Variants in TMEM132C observed in about 807,000 individuals in gnomAD.
The protein encoded by TMEM132C is transmembrane protein 132C.
In TMEM132C, 29 loss-of-function variants were observed where a neutral mutation model predicts 61.4. The ratio of observed to expected loss-of-function variants is 0.47; its 90% CI spans 0.35 to 0.64. The LOEUF is 0.64. TMEM132C is among the 30% of genes least tolerant of loss of function. The pLI, the probability that TMEM132C is intolerant of heterozygous loss-of-function variation, is 0.00. For synonymous variants in TMEM132C, 656 were observed against 633.1 expected, an observed-to-expected ratio of 1.04 and a Z score of -0.54; for missense variants, 1,408 against 1,476.9, an observed-to-expected ratio of 0.95 and a Z score of 0.76.
At position 128,267,409 on chromosome 12, in the gene TMEM132C, T is replaced by C. The variant is rs2135883840; in HGVS notation, c.7T>C (p.Ser3Pro). The C allele has an allele frequency of 9.9e-6, 12 of 1,211,832 alleles. No homozygotes were observed. The highest frequency in any genetic ancestry group is 1.2e-5 in the Non-Finnish European group (12 of 976,874). The allele number at this position is 1,211,832 out of a possible 1,614,324, so 75.1% of individuals were successfully genotyped here. A position where few individuals can be genotyped will look rare whatever the true frequency, so the allele number is the denominator to read the frequency against. The change falls in exon 1 of 9, where the codon TCC (serine) becomes CCC (proline). Residue 3 changes from serine (S) to proline (P), a missense_variant. Ser to Pro is a moderately conservative substitution (Grantham distance 74). Transcript: ENST00000435159. The part of the protein sequence containing the change: MR[S>P]EGAAPGPAAP... ...TGAGCGGCCGGGACGCAGGATGCGCTCCGAGGGTGCGGCCCCCGGGCCGGC... is the reference window on the plus strand; with the variant it reads ...TGAGCGGCCGGGACGCAGGATGCGCCCCGAGGGTGCGGCCCCCGGGCCGGC...
intron 2 of TMEM132C, among the ~76,000 whole-genome samples, chr12:128,432,558 A>G (rs2136039765): frequency 6.6e-6 from 1 of 152,352 alleles, no homozygotes; most frequent in Non-Finnish European, 1.5e-5. Context: ...AGAAATAGCA[A>G]AAGAATTAGA....
intron 1 of TMEM132C, among the ~76,000 whole-genome samples, chr12:128,346,384 T>C (rs1200724667): frequency 6.6e-6 from 1 of 152,176 alleles, no homozygotes; most frequent in Non-Finnish European, 1.5e-5. Flanking sequence ...CTTGGCTATT[T>C]GGGTTCCTTT....
intron 2 of TMEM132C, among the ~76,000 whole-genome samples, chr12:128,520,352 C>T (rs572640970): frequency 6.6e-6 from 1 of 152,150 alleles, no homozygotes; most frequent in Non-Finnish European, 1.5e-5. Context: ...CAGGACTACC[C>T]AGGACAAAGA....
chr12:128,420,731 A>G (rs1868957769), intron 2 of TMEM132C, among the ~76,000 whole-genome samples: 1 of 152,220 alleles, frequency 6.6e-6, no homozygotes, highest in Non-Finnish European at 1.5e-5. Flanking sequence ...TTGTGGGCAC[A>G]CTTGTGTGAA....
chr12:128,658,886 A>C (rs1282000398), intron 4 of TMEM132C, among the ~76,000 whole-genome samples: 1 of 152,216 alleles, frequency 6.6e-6, no homozygotes, highest in African/African-American at 2.4e-5. Flanking sequence ...CATCATGCTG[A>C]TGTTGAAGTC....
At chr12:128,301,132 G>A (rs1871583662) in intron 1 of TMEM132C, among the ~76,000 whole-genome samples, 1 of 152,176 alleles carries the variant, frequency 6.6e-6, no homozygotes, top group African/African-American at 2.4e-5. Flanking sequence ...AATGAATGGA[G>A]GAGAGGTGTG....
At chr12:128,395,751 ACAC>A (rs1874928213) in intron 1 of TMEM132C, among the ~76,000 whole-genome samples, 1 of 152,206 alleles carries the variant, frequency 6.6e-6, no homozygotes, top group Admixed American at 6.5e-5. Context: ...CATCACTTTC[ACAC>A]CGTCATAAAG....
intron 4 of TMEM132C, among the ~76,000 whole-genome samples, chr12:128,640,129 C>T (rs1262632878): frequency 6.6e-6 from 1 of 152,168 alleles, no homozygotes; most frequent in African/African-American, 2.4e-5. Flanking sequence ...CTACAAAGTC[C>T]ATTTCACCTC....
At chr12:128,628,071 G>A (rs138583228) in intron 4 of TMEM132C, among the ~76,000 whole-genome samples, 15 of 152,146 alleles carry the variant, frequency 9.9e-5, no homozygotes, top group East Asian at 5.8e-4. Flanking sequence ...GCCATCCCTC[G>A]AAATGCATCT....
At chr12:128,515,355 G>C (rs1161019057) in intron 2 of TMEM132C, among the ~76,000 whole-genome samples, 1 of 152,186 alleles carries the variant, frequency 6.6e-6, no homozygotes. Flanking sequence ...CTTTCTGTGA[G>C]CATGAGTACT....
At chr12:128,339,166 G>C (rs1028159075) in intron 1 of TMEM132C, among the ~76,000 whole-genome samples, 1 of 152,042 alleles carries the variant, frequency 6.6e-6, no homozygotes, top group African/African-American at 2.4e-5. Flanking sequence ...AAGCACTGGA[G>C]GTCAGCCCCC....
At chr12:128,459,128 A>G (rs972908934) in intron 2 of TMEM132C, among the ~76,000 whole-genome samples, 3 of 152,214 alleles carry the variant, frequency 2.0e-5, no homozygotes, top group African/African-American at 4.8e-5. Context: ...GGAAGACTGG[A>G]CCAGCAGCCC....
At chr12:128,394,907 C>CAAAAA (rs59086773) in intron 1 of TMEM132C, among the ~76,000 whole-genome samples, 5 of 132,310 alleles carry the variant, frequency 3.8e-5, no homozygotes, top group African/African-American at 5.4e-5. Context: ...CCTTATTTTC[C>CAAAAA]AAAAAAAAAA....
intron 4 of TMEM132C, among the ~76,000 whole-genome samples, chr12:128,631,983 A>G (rs970004000): frequency 2.0e-5 from 3 of 152,082 alleles, no homozygotes; most frequent in African/African-American, 7.2e-5. Flanking sequence ...AGCCAAAATA[A>G]TTGGAGTGGG....
chr12:128,692,689 C>T (rs914915069), intron 5 of TMEM132C, among the ~76,000 whole-genome samples: 3 of 152,152 alleles, frequency 2.0e-5, no homozygotes, highest in Non-Finnish European at 4.4e-5. Context: ...TTCAATGGCC[C>T]CTCATTGTTG....
chr12:128,666,953 C>T (rs1207628193), intron 4 of TMEM132C, among the ~76,000 whole-genome samples: 2 of 152,160 alleles, frequency 1.3e-5, no homozygotes, highest in South Asian at 4.1e-4. Context: ...GCCTGTAGTC[C>T]CCGCTACTCG....
chr12:128,628,737 C>T (rs962136665), intron 4 of TMEM132C, among the ~76,000 whole-genome samples: 17 of 152,278 alleles, frequency 1.1e-4, no homozygotes, highest in Admixed American at 5.9e-4. Flanking sequence ...CACCCGGAGG[C>T]GAGGGACTCT....
intron 1 of TMEM132C, among the ~76,000 whole-genome samples, chr12:128,295,650 AAAAAAG>A (rs1465033977): frequency 0.04 from 3,774 of 93,318 alleles, 167 homozygotes; most frequent in African/African-American, 0.15. Flanking sequence ...AAAAAAAAAA[AAAAAAG>A]AAAGAAAAAA....
At chr12:128,580,767 C>T (rs544448521) in intron 3 of TMEM132C, among the ~76,000 whole-genome samples, 57 of 152,276 alleles carry the variant, frequency 3.7e-4, no homozygotes, top group Non-Finnish European at 6.9e-4. Flanking sequence ...CCCGCTCGCG[C>T]CAGCTTGCTA....
Sources: allele counts gnomAD v4.1 joint callset (sites outside exome capture counted in the v4.1 genomes callset), GRCh38; gene constraint gnomAD v4.1.1; transcripts MANE v1.5; gene names NCBI Gene and HGNC (gene_info 2026-07-23, HGNC 2026-07-21).